The following PUF60 variants were observed in gnomAD, a reference collection of about 807,000 sequenced individuals.
PUF60 encodes poly(U)-binding-splicing factor PUF60.
A neutral mutation model predicts 61.8 loss-of-function variants in PUF60; 10 were observed. The observed-to-expected ratio is 0.16, with a 90% CI of 0.10 to 0.27. The LOEUF (loss-of-function observed/expected upper bound fraction) is 0.27, where lower values mean the gene tolerates loss of function less well. Among genes scored for constraint, PUF60 ranks in the 10% least tolerant of loss-of-function variants. The probability of loss-of-function intolerance (pLI) is 1.00; values close to 1 mark genes in which losing one functional copy is unlikely to be tolerated. For synonymous variants in PUF60, 353 were observed against 300.9 expected (o/e 1.17, Z -1.79); for missense variants, 371 against 754.0 (o/e 0.49, Z 5.95).
At chr8:143,828,868 C>G in intron 1 of PUF60, 5 of 955,978 alleles carry the variant, frequency 5.2e-6, no homozygotes, top group Non-Finnish European at 6.2e-6. Flanking sequence ...GTCCCGTCCC[C>G]TTCTGATCCC....
intron 1 of PUF60, chr8:143,825,067 G>C (rs1302356102): frequency 6.5e-6 from 1 of 152,748 alleles, no homozygotes; most frequent in Non-Finnish European, 1.5e-5. Flanking sequence ...GGATGGCAGG[G>C]CAAAGACAGG....
chr8:143,820,293 C>G (rs914723662), intron 5 of PUF60: 1 of 299,196 alleles, frequency 3.3e-6, no homozygotes, highest in African/African-American at 2.2e-5. Flanking sequence ...GGGGCCTGAC[C>G]CCAACCCAAG....
intron 1 of PUF60, among the ~76,000 whole-genome samples, chr8:143,824,640 C>G (rs562308549): frequency 2.6e-5 from 4 of 152,238 alleles, no homozygotes; most frequent in Non-Finnish European, 2.9e-5. Flanking sequence ...CGAGTCCCAG[C>G]GGGGATGGGG....
Position 143,817,015 on chromosome 8 carries a change from A to G in PUF60, c.1275T>C (p.Phe425=). ...GCATCTCTGGCCGCTCTGACTCGGG[A>G]AACAGCTCCTCTTCTTCCTTCTCCT... ...PKKEKEEEEL[F]PESERPEMLS... Residue 425 remains phenylalanine, a synonymous_variant, in exon 11 of 12, where the codon TTT becomes TTC. Transcript: ENST00000526683. This position sits in a 1 kb window ranked among gnomAD's most constrained non-coding sequence, Gnocchi z 7.4. 6.2e-7 allele frequency: 1 copy of G among 1,609,440 alleles called. No homozygotes were observed. The highest frequency in any genetic ancestry group is 1.3e-5 in the African/African-American group (1 of 74,964).
Position 143,817,365 on chromosome 8 carries a change from A to G in PUF60, c.1110T>C (p.Ala370=). 6.3e-7 allele frequency: 1 copy of G among 1,593,936 alleles called. No homozygotes were observed. The highest frequency in any genetic ancestry group is 8.5e-7 in the Non-Finnish European group (1 of 1,174,366). ...LAQPLGTLPQ[A]VMAAQAPGVI... ...CTCCAGGTGCCTGGGCAGCCATGAC[A>G]GCCTGGGGCAAAGTGCCCAGGGGCT... The change falls in exon 10 of 12, where the codon GCT becomes GCC. Residue 370 remains alanine (A), a synonymous_variant. Coordinates refer to ENST00000526683, the MANE Select transcript of PUF60 (RefSeq NM_078480.3). The surrounding 1 kb of genome is among the most constrained non-coding windows in gnomAD (Gnocchi z 7.4).
chr8:143,826,286 CAA>C (rs1411662302), intron 1 of PUF60, among the ~76,000 whole-genome samples: 2 of 152,170 alleles, frequency 1.3e-5, no homozygotes, highest in Non-Finnish European at 1.5e-5. Context: ...CATCAGAAAA[CAA>C]GAAAAGCAAT....
intron 2 of PUF60, chr8:143,823,411 A>G (rs1817248861): frequency 6.6e-6 from 1 of 152,374 alleles, no homozygotes; most frequent in Non-Finnish European, 1.5e-5. Context: ...GCAGGCTGTC[A>G]CCATGGTAAT....
At chr8:143,820,482 G>A in intron 5 of PUF60, 184 bp downstream of exon 5, 2 of 676,636 alleles carry the variant, frequency 3.0e-6, no homozygotes, top group Non-Finnish European at 5.2e-6. Context: ...GGCCTCCCCA[G>A]GGGCGGTCCC....
intron 1 of PUF60, among the ~76,000 whole-genome samples, chr8:143,826,694 G>A (rs1353103302): frequency 6.6e-6 from 1 of 152,136 alleles, no homozygotes; most frequent in Non-Finnish European, 1.5e-5. Context: ...ACTCTAGCCT[G>A]GGCGATAAAG....
At chr8:143,825,723 C>A (rs1435111984) in intron 1 of PUF60, among the ~76,000 whole-genome samples, 1 of 152,230 alleles carries the variant, frequency 6.6e-6, no homozygotes, top group Non-Finnish European at 1.5e-5. Context: ...CTATCTCAGC[C>A]TCCAAAGTGC....
intron 1 of PUF60, among the ~76,000 whole-genome samples, chr8:143,826,551 C>A (rs11782759): frequency 6.6e-6 from 1 of 151,822 alleles, no homozygotes; most frequent in Admixed American, 6.6e-5. Flanking sequence ...CCCATCTCTA[C>A]TAAAAATACA....
chr8:143,819,804 G>C (rs140232486), intron 5 of PUF60, among the ~76,000 whole-genome samples: 1 of 152,108 alleles, frequency 6.6e-6, no homozygotes, highest in Non-Finnish European at 1.5e-5. Context: ...GTTCCCCCAA[G>C]ACAGGGCCAT....
chr8:143,824,472 T>A, intron 1 of PUF60, 73 bp from the exon 2 acceptor site: 3 of 1,499,800 alleles, frequency 2.0e-6, no homozygotes, highest in Non-Finnish European at 2.7e-6. Flanking sequence ...CCTCCCGAGC[T>A]AAGGGCTGAG....
Position 143,818,640 on chromosome 8 carries a change from G to C in PUF60, c.349-106C>G. 3 of 1,241,244 alleles carry C rather than the reference G, an allele frequency of 2.4e-6. No homozygotes were observed. The highest frequency in any genetic ancestry group is 3.3e-6 in the Non-Finnish European group (3 of 912,390). 76.9% of individuals were successfully genotyped at this position (1,241,244 alleles called of 1,614,324 possible). On this transcript the variant is annotated intron_variant, in intron 5 of 11. Coordinates refer to ENST00000526683, the MANE Select transcript of PUF60 (RefSeq NM_078480.3). This position sits in a 1 kb window ranked among gnomAD's most constrained non-coding sequence, Gnocchi z 7.9. ...ACCCACCCAGCCCTGCTGTGGGGAG[G>C]GCTCCCCACATGACAGGGAGGTGCG...
Position 143,824,301 on chromosome 8 carries a change from T to G in PUF60, c.111+12A>C. On this transcript the variant is annotated intron_variant, in intron 2 of 11. Coordinates refer to ENST00000526683, the MANE Select transcript of PUF60 (RefSeq NM_078480.3). ...GGGCGGGCCTGAGGGAGAGGATGCT[T>G]AAGGTCAGTACCTGTGGAGGTTTCC... is the stretch of plus-strand genomic sequence containing the variant. The G allele has an allele frequency of 6.2e-7, 1 of 1,602,678 alleles. No individual in the cohort carries two copies.
rs199514456 is a variant in PUF60, at chr8:143,818,169, C to G, written c.603+24G>C. The G allele has an allele frequency of 1.2e-6, 2 of 1,604,440 alleles. No homozygotes were observed. The highest frequency in any genetic ancestry group is 1.7e-4 in the Middle Eastern group (1 of 6,050). On this transcript the variant is annotated intron_variant, in intron 7 of 11. Coordinates refer to ENST00000526683, the MANE Select transcript of PUF60 (RefSeq NM_078480.3). The surrounding 1 kb of genome is among the most constrained non-coding windows in gnomAD (Gnocchi z 7.9). The stretch of plus-strand genomic sequence containing the variant: ...GGGCAGCCCTGCACGCCTGCGGGAT[C>G]GAGGCCTTGGCTCCCTGCCTCACCT...
At chr8:143,819,988 TCCA>T (rs1300694448) in intron 5 of PUF60, among the ~76,000 whole-genome samples, 3 of 151,854 alleles carry the variant, frequency 2.0e-5, no homozygotes, top group Non-Finnish European at 4.4e-5. Flanking sequence ...CAGAGAAGGG[TCCA>T]CATCTTCCCC....
intron 1 of PUF60, chr8:143,827,673 T>A (rs1817786935): frequency 3.1e-6 from 1 of 324,908 alleles, no homozygotes; most frequent in African/African-American, 2.2e-5. Context: ...TACAGCTCAC[T>A]CCTGGAGCCG....
At position 143,816,494 on chromosome 8, in the gene PUF60, TG is replaced by T. The variant is rs1563817071; in HGVS notation, c.*25del. The T allele has an allele frequency of 6.3e-7, 1 of 1,585,306 alleles. No homozygotes were observed. Among genetic ancestry groups the T allele is most frequent in the Non-Finnish European group, 8.6e-7 (1 of 1,166,096 alleles). On this transcript the variant is annotated 3_prime_UTR_variant, in exon 12 of 12. Transcript: ENST00000526683. Reference sequence around the variant, plus strand: ...AAACCCAGAGGAAACAAGGAACAAGTGCAAGTCCGGGGAGAGGGACCACTGT... The same window carrying T: ...AAACCCAGAGGAAACAAGGAACAAGTCAAGTCCGGGGAGAGGGACCACTGT...
Sources: gnomAD v4.1 joint callset for allele counts (sites outside exome capture counted in the v4.1 genomes callset) on GRCh38, gnomAD v4.1.1 for gene constraint, Gnocchi (gnomAD v3.1) non-coding constraint, MANE v1.5 for transcripts, NCBI Gene and HGNC (gene_info 2026-07-23, HGNC 2026-07-21) for gene names.